SMYD4: variants seen among roughly 807,000 people sequenced by gnomAD.
SMYD4 encodes the protein SET and MYND domain containing 4.
A neutral mutation model predicts 72.8 loss-of-function variants in SMYD4; 68 were observed. The observed-to-expected ratio is 0.93, with a 90% CI of 0.77 to 1.14. The LOEUF is 1.14. Ranked by LOEUF, SMYD4 falls within the 50% of genes most tolerant of loss-of-function variation. SMYD4 has a pLI of 0.00. For missense variants in SMYD4, 984 were observed against 1,003.7 expected, an observed-to-expected ratio of 0.98 and a Z score of 0.27; for synonymous variants, 407 against 388.6, an observed-to-expected ratio of 1.05 and a Z score of -0.56.
At chr17:1,807,448 G>A (rs1159426965) in intron 3 of SMYD4, among the ~76,000 whole-genome samples, 7 of 134,952 alleles carry the variant, frequency 5.2e-5, no homozygotes, top group South Asian at 4.7e-4. Context: ...CGGCAACCCC[G>A]CACCAGGGTT....
chr17:1,809,318 T>C (rs2151243046), intron 3 of SMYD4, among the ~76,000 whole-genome samples: 1 of 152,270 alleles, frequency 6.6e-6, no homozygotes, highest in East Asian at 1.9e-4. Flanking sequence ...GTTCCAGTTC[T>C]TACTATGAAA....
At chr17:1,822,768 T>C (rs1354782966) in intron 2 of SMYD4, among the ~76,000 whole-genome samples, 4 of 152,112 alleles carry the variant, frequency 2.6e-5, no homozygotes, top group Non-Finnish European at 5.9e-5. Flanking sequence ...CCCGGTCAGA[T>C]GATTTAAAAA....
chr17:1,786,142 G>C (rs1335662942), intron 7 of SMYD4, among the ~76,000 whole-genome samples: 1 of 152,208 alleles, frequency 6.6e-6, no homozygotes, highest in African/African-American at 2.4e-5. Context: ...TCCAGCCACA[G>C]TTCTCAGGTC....
At chr17:1,789,765 A>C (rs12941927) in intron 5 of SMYD4, among the ~76,000 whole-genome samples, 3,005 of 22,710 alleles carry the variant, frequency 0.13, 171 homozygotes, top group Non-Finnish European at 0.29. Context: ...ACTCTGTCTC[A>C]AAAAAAAAAA....
At chr17:1,783,604 T>C in intron 8 of SMYD4, 128 bp from the exon 9 acceptor site, 6 of 1,437,712 alleles carry the variant, frequency 4.2e-6, no homozygotes, top group Non-Finnish European at 5.5e-6. Flanking sequence ...CCCTGGGTTG[T>C]CACCAACGCA....
chr17:1,796,935 C>T (rs1909438578), intron 5 of SMYD4, among the ~76,000 whole-genome samples: 1 of 152,106 alleles, frequency 6.6e-6, no homozygotes. Flanking sequence ...AGCAAAGGCA[C>T]AAAGAAGCAA....
At chr17:1,827,770 A>C in intron 2 of SMYD4, 91 bp downstream of exon 2, 2 of 1,459,284 alleles carry the variant, frequency 1.4e-6, no homozygotes, top group African/African-American at 1.4e-5. Context: ...CTCAATCTTT[A>C]TTTAAGAAAA....
chr17:1,789,517 A>C (rs553016591), intron 5 of SMYD4, among the ~76,000 whole-genome samples: 1 of 152,312 alleles, frequency 6.6e-6, no homozygotes, highest in South Asian at 2.1e-4. Flanking sequence ...TAATCCCAGC[A>C]CTTTGGGAGG....
At position 1,807,623 on chromosome 17, in the gene SMYD4, A is replaced by G. The variant is rs1183746625; in HGVS notation, c.280-2908T>C. Among the ~76,000 whole-genome samples, 6 of 152,110 alleles carry G rather than the reference A, an allele frequency of 3.9e-5. No individual in the cohort carries two copies. In the South Asian group the frequency reaches 1.0e-3, roughly 26 times the overall value. On this transcript the variant is annotated intron_variant, in intron 3 of 10. Coordinates refer to ENST00000305513, the MANE Select transcript of SMYD4 (RefSeq NM_052928.3). ...GGTGATCCACCTGCCTCAGCCTCCC[A>G]AAGTGCTAGGATTACAGGTGCGAGC... is the stretch of plus-strand genomic sequence containing the variant.
intron 3 of SMYD4, among the ~76,000 whole-genome samples, chr17:1,808,446 G>T (rs761083375): frequency 6.6e-6 from 1 of 152,120 alleles, no homozygotes; most frequent in East Asian, 1.9e-4. Flanking sequence ...CTGGATGGAC[G>T]TAAGCAAAAA....
intron 1 of SMYD4, 85 bp from the exon 2 acceptor site, chr17:1,828,091 C>T (rs1415743289): frequency 9.3e-6 from 13 of 1,391,630 alleles, no homozygotes; most frequent in Non-Finnish European, 1.3e-5. Context: ...TGGCTCACAC[C>T]TGTAATCCCA....
chr17:1,817,017 C>G (rs1385090717), intron 2 of SMYD4, among the ~76,000 whole-genome samples: 1 of 149,424 alleles, frequency 6.7e-6, no homozygotes, highest in African/African-American at 2.5e-5. Context: ...TATCCTTTCA[C>G]TCTCTTGATA....
At chr17:1,784,837 T>C (rs1041147347) in intron 7 of SMYD4, among the ~76,000 whole-genome samples, 1 of 151,966 alleles carries the variant, frequency 6.6e-6, no homozygotes, top group African/African-American at 2.4e-5. Context: ...TGGTGCGATC[T>C]CGGCTCACTC....
At chr17:1,782,923 G>T in intron 10 of SMYD4, 112 bp downstream of exon 10, 1 of 1,468,246 alleles carries the variant, frequency 6.8e-7, no homozygotes, top group Non-Finnish European at 9.2e-7. Flanking sequence ...CTCCTAAAGA[G>T]GAAATAAAGA....
chr17:1,813,916 T>C (rs181739294), intron 2 of SMYD4, among the ~76,000 whole-genome samples: 15 of 152,322 alleles, frequency 9.8e-5, no homozygotes, highest in Admixed American at 4.6e-4. Context: ...TCTTTGACTA[T>C]AATGCCATAA....
intron 3 of SMYD4, 57 bp downstream of exon 3, chr17:1,811,914 A>G (rs1047735604): frequency 7.6e-6 from 12 of 1,587,322 alleles, no homozygotes; most frequent in Non-Finnish European, 9.4e-6. Flanking sequence ...GTAACACAGC[A>G]AGATTCTGTC....
chr17:1,789,284 A>T (rs1000441082), intron 5 of SMYD4, among the ~76,000 whole-genome samples: 6 of 152,154 alleles, frequency 3.9e-5, no homozygotes, highest in Non-Finnish European at 8.8e-5. Context: ...GCTACTCGGG[A>T]GGCGAGGTAC....
At chr17:1,786,734 C>T in intron 7 of SMYD4, 76 bp downstream of exon 7, 1 of 1,571,808 alleles carries the variant, frequency 6.4e-7, no homozygotes, top group Non-Finnish European at 8.7e-7. Flanking sequence ...CTGATGGCTT[C>T]CTCCTAAACA....
chr17:1,784,829 G>C (rs955182958), intron 7 of SMYD4, among the ~76,000 whole-genome samples: 28 of 152,056 alleles, frequency 1.8e-4, no homozygotes, highest in Non-Finnish European at 1.3e-4. Context: ...GAGTGCAGTG[G>C]TGCGATCTCG....
Sources: allele counts gnomAD v4.1 joint callset (sites outside exome capture counted in the v4.1 genomes callset), GRCh38; gene constraint gnomAD v4.1.1; transcripts MANE v1.5; gene names NCBI Gene and HGNC (gene_info 2026-07-23, HGNC 2026-07-21).